DNAH5: variants seen among roughly 807,000 people sequenced by gnomAD.
DNAH5 encodes dynein axonemal heavy chain 5.
DNAH5 carries 372 observed loss-of-function variants against 518.2 expected under a neutral mutation model. The ratio of observed to expected loss-of-function variants is 0.72; its 90% CI spans 0.66 to 0.78. The LOEUF (loss-of-function observed/expected upper bound fraction) is 0.78, where lower values mean the gene tolerates loss of function less well. Ranked by LOEUF, DNAH5 falls within the 30% of genes least tolerant of loss-of-function variation. DNAH5 has a pLI of 0.00. For synonymous variants in DNAH5, 2,039 were observed against 2,025.9 expected (o/e 1.01, Z -0.17); for missense variants, 5,523 against 5,687.0 (o/e 0.97, Z 0.93).
chr5:13,969,363 G>T (rs540041711), intron 1 of DNAH5, among the ~76,000 whole-genome samples: 3 of 151,990 alleles, frequency 2.0e-5, no homozygotes, highest in South Asian at 4.2e-4. Context: ...TTGAGTTTGG[G>T]TTTGGTTTGT....
rs543265562 is a variant in DNAH5 at position 13,770,910 on chromosome 5, G to A, written c.9444C>T (p.Cys3148=). ...SLEIKKEVVQ[C]MGSFQDGVAE... is the part of the protein sequence containing the mutation. ...CCACCCCATCCTGGAAGGAGCCCAT[G>A]CATTGGACCACCTCCTTCTTGATTT... Residue 3148 remains cysteine (C), a synonymous_variant, in exon 56 of 79, where the codon TGC becomes TGT. Transcript: ENST00000265104. The A allele has an allele frequency of 9.9e-6, 16 of 1,614,124 alleles. No individual in the cohort carries two copies. Among genetic ancestry groups the A allele is most frequent in the African/African-American group, 1.3e-5 (1 of 75,046 alleles).
chr5:14,008,074 A>G (rs111550648), intron 1 of DNAH5, among the ~76,000 whole-genome samples: 49 of 152,136 alleles, frequency 3.2e-4, no homozygotes, highest in African/African-American at 1.0e-3. Flanking sequence ...TGGGAGGCTG[A>G]GACAGGAAAA....
chr5:13,960,048 A>G (rs1781061893), intron 1 of DNAH5, among the ~76,000 whole-genome samples: 1 of 152,098 alleles, frequency 6.6e-6, no homozygotes, highest in Admixed American at 6.5e-5. Context: ...GTCAAAATGC[A>G]AAGACAAGAA....
chr5:13,931,344 T>C (rs1778402000), intron 1 of DNAH5, 100 bp from the exon 2 acceptor site: 3 of 1,447,050 alleles, frequency 2.1e-6, no homozygotes, highest in African/African-American at 2.8e-5. Context: ...AAGTCTTAGG[T>C]ATCCAGATAA....
chr5:13,967,484 G>C (rs1217635737), intron 1 of DNAH5, among the ~76,000 whole-genome samples: 1 of 152,196 alleles, frequency 6.6e-6, no homozygotes, highest in African/African-American at 2.4e-5. Context: ...TCAGCTGGCT[G>C]TAAGTATTTG....
At chr5:13,735,694 C>A in intron 67 of DNAH5, 124 bp downstream of exon 67, 1 of 853,076 alleles carries the variant, frequency 1.2e-6, no homozygotes, top group Non-Finnish European at 2.0e-6. Context: ...GGTAATTACA[C>A]TGATCTGAGA....
At chr5:13,862,287 A>C (rs1046040820) in intron 29 of DNAH5, among the ~76,000 whole-genome samples, 1 of 152,210 alleles carries the variant, frequency 6.6e-6, no homozygotes, top group Admixed American at 6.5e-5. Context: ...CCAGAGTTAC[A>C]CATGCTCTAA....
chr5:13,778,523 A>C (rs1442353294), intron 53 of DNAH5, among the ~76,000 whole-genome samples: 1 of 113,160 alleles, frequency 8.8e-6, no homozygotes, highest in African/African-American at 3.2e-5. Context: ...AGGGGAGAGA[A>C]AGTGAGAGAG....
At chr5:13,986,487 T>C (rs1223522586) in intron 1 of DNAH5, among the ~76,000 whole-genome samples, 1 of 152,188 alleles carries the variant, frequency 6.6e-6, no homozygotes, top group African/African-American at 2.4e-5. Flanking sequence ...ACCTGTCTCT[T>C]TGATGGCAGT....
At chr5:13,953,587 T>C (rs1000969030) in intron 1 of DNAH5, among the ~76,000 whole-genome samples, 19 of 152,234 alleles carry the variant, frequency 1.2e-4, no homozygotes, top group Admixed American at 1.2e-3. Flanking sequence ...TTTGAAAATA[T>C]AGCCCTTACT....
At chr5:13,930,959 C>T in intron 2 of DNAH5, 151 bp downstream of exon 2, 1 of 1,134,802 alleles carries the variant, frequency 8.8e-7, no homozygotes, top group East Asian at 2.5e-5. Context: ...GCTCATTCTG[C>T]AAGCACCAGT....
chr5:13,916,623 T>A (rs1776674079), intron 8 of DNAH5, among the ~76,000 whole-genome samples, 168 bp from the exon 9 acceptor site: 1 of 152,006 alleles, frequency 6.6e-6, no homozygotes, highest in South Asian at 2.1e-4. Context: ...ATTAATTTTA[T>A]TAGTCACATA....
intron 1 of DNAH5, among the ~76,000 whole-genome samples, chr5:13,952,504 G>T (rs1007707438): frequency 6.6e-6 from 1 of 152,128 alleles, no homozygotes; most frequent in Non-Finnish European, 1.5e-5. Context: ...GGAAGCTCAG[G>T]GGCTGTGTTT....
In DNAH5 at chr5:13,918,912, T is replaced by C. The variant is rs529005836; in HGVS notation, c.975+264A>G. On this transcript the variant is annotated intron_variant, in intron 7 of 78. Transcript: ENST00000265104. ...TGAAATCATAAAACATAGATATATA[T>C]ATAAACATGCTATCATGTTCTGTCT... is the stretch of plus-strand genomic sequence containing the variant. 2.6e-5 allele frequency among the ~76,000 whole-genome samples: 4 copies of C among 152,322 alleles called. No individual in the cohort carries two copies. In the South Asian group the frequency reaches 6.2e-4, roughly 24 times the overall value.
At chr5:13,901,650 T>C in intron 13 of DNAH5, 77 bp from the exon 14 acceptor site, 1 of 848,958 alleles carries the variant, frequency 1.2e-6, no homozygotes. Context: ...TATCTAGTAA[T>C]CTCATTTATT....
intron 69 of DNAH5, among the ~76,000 whole-genome samples, chr5:13,728,791 T>C (rs552240327): frequency 6.6e-6 from 1 of 152,346 alleles, no homozygotes; most frequent in African/African-American, 2.4e-5. Context: ...CCAAACTCAT[T>C]TCTCTATGGT....
At chr5:14,011,776 C>T (rs758014371) in exon 1 of DNAH5, among the ~76,000 whole-genome samples, 2 of 152,180 alleles carry the variant, frequency 1.3e-5, no homozygotes, top group Non-Finnish European at 2.9e-5. Flanking sequence ...TCAGGCCGCC[C>T]GGCTAGCCGG....
intron 52 of DNAH5, among the ~76,000 whole-genome samples, chr5:13,782,751 A>T (rs1243314977): frequency 6.6e-6 from 1 of 152,182 alleles, no homozygotes; most frequent in Non-Finnish European, 1.5e-5. Flanking sequence ...CACATGGTAA[A>T]CCCTCAAAAC....
rs1347734785 is a variant in DNAH5 at position 13,779,757 on chromosome 5, A to G, written c.8951+1072T>C. Among the ~76,000 whole-genome samples the G allele has an allele frequency of 2.6e-5, 4 of 152,166 alleles. No individual in the cohort carries two copies. In the East Asian group the frequency reaches 7.7e-4, roughly 29 times the overall value. On this transcript the variant is annotated intron_variant, in intron 53 of 78. Transcript: ENST00000265104. ...GCAGCACCATCTAGATAGTTTCCCAAGCCAGAAACCAGGATGCACCAAGCC... is the reference window on the plus strand; with the variant it reads ...GCAGCACCATCTAGATAGTTTCCCAGGCCAGAAACCAGGATGCACCAAGCC...
Sources: allele counts gnomAD v4.1 joint callset (sites outside exome capture counted in the v4.1 genomes callset), GRCh38; gene constraint gnomAD v4.1.1; transcripts MANE v1.5; gene names NCBI Gene and HGNC (gene_info 2026-07-23, HGNC 2026-07-21).